The following CCND3 variants were observed in gnomAD, a reference collection of about 807,000 sequenced individuals.
CCND3 encodes G1/S-specific cyclin-D3.
CCND3 carries 9 observed loss-of-function variants against 28.7 expected under a neutral mutation model. The ratio of observed to expected loss-of-function variants is 0.31; its 90% CI spans 0.19 to 0.55. CCND3 has a LOEUF of 0.55. CCND3 is among the 20% of genes least tolerant of loss of function. CCND3 has a pLI of 0.93. For synonymous variants in CCND3, 164 were observed against 163.9 expected, an observed-to-expected ratio of 1.00 and a Z score of 0.00; for missense variants, 315 against 385.8, an observed-to-expected ratio of 0.82 and a Z score of 1.54.
intron 1 of CCND3, among the ~76,000 whole-genome samples, chr6:41,988,741 C>G (rs1431981250): frequency 4.3e-5 from 6 of 138,448 alleles, no homozygotes; most frequent in Admixed American, 1.6e-4. Flanking sequence ...CTCTGTCGCC[C>G]AGGCTGGAGT....
At chr6:41,993,670 A>G (rs1000986006) in intron 1 of CCND3, among the ~76,000 whole-genome samples, 5 of 151,464 alleles carry the variant, frequency 3.3e-5, no homozygotes, top group African/African-American at 1.2e-4. Flanking sequence ...TCGGCCTCCA[A>G]AAAAAAAGCT....
At chr6:42,030,716 C>A (rs1362698032) in intron 1 of CCND3, among the ~76,000 whole-genome samples, 1 of 152,170 alleles carries the variant, frequency 6.6e-6, no homozygotes, top group Non-Finnish European at 1.5e-5. Context: ...TGGCCCAGCC[C>A]GGCAGGTGGA....
intron 1 of CCND3, among the ~76,000 whole-genome samples, chr6:41,996,108 C>CATAT (rs141940663): frequency 4.0e-4 from 50 of 125,544 alleles, no homozygotes; most frequent in African/African-American, 4.4e-4. Context: ...AATCTGCTCT[C>CATAT]ATATATATAT....
intron 2 of CCND3, among the ~76,000 whole-genome samples, 166 bp from the exon 3 acceptor site, chr6:41,937,560 G>T (rs1194365723): frequency 6.6e-6 from 1 of 152,176 alleles, no homozygotes; most frequent in Admixed American, 6.5e-5. Flanking sequence ...TTCAAGGCAG[G>T]GAAGAGGAGG....
chr6:41,964,819 T>C (rs1452308558), intron 1 of CCND3, among the ~76,000 whole-genome samples: 2 of 150,530 alleles, frequency 1.3e-5, no homozygotes, highest in African/African-American at 4.9e-5. Context: ...TAGAGAGCAG[T>C]TAAGAGGTTC....
At chr6:42,040,827 G>T (rs970724315) in intron 1 of CCND3, among the ~76,000 whole-genome samples, 1 of 151,264 alleles carries the variant, frequency 6.6e-6, no homozygotes, top group Non-Finnish European at 1.5e-5. Context: ...CTCCAGCCTG[G>T]GTGACAGAGC....
At chr6:41,972,783 G>C (rs764444857) in intron 1 of CCND3, among the ~76,000 whole-genome samples, 2 of 151,942 alleles carry the variant, frequency 1.3e-5, no homozygotes, top group Non-Finnish European at 2.9e-5. Context: ...TTGGAAGGCT[G>C]AGATGGGAGG....
intron 1 of CCND3, among the ~76,000 whole-genome samples, chr6:42,026,838 G>A (rs1473490738): frequency 6.6e-6 from 1 of 152,184 alleles, no homozygotes; most frequent in Non-Finnish European, 1.5e-5. Context: ...GACGGACCCA[G>A]CAGCCATGGT....
chr6:41,968,351 T>A (rs1040758298), intron 1 of CCND3, among the ~76,000 whole-genome samples: 1 of 152,212 alleles, frequency 6.6e-6, no homozygotes, highest in Non-Finnish European at 1.5e-5. Context: ...AAGTTTATAA[T>A]CAATCATGCT....
At chr6:41,943,529 A>G (rs777916506), upstream of CCND3, among the ~76,000 whole-genome samples, 2 of 152,246 alleles carry the variant, frequency 1.3e-5, no homozygotes, top group African/African-American at 2.4e-5. Flanking sequence ...GGAAATTTAA[A>G]TTATTTCTAG....
intron 1 of CCND3, among the ~76,000 whole-genome samples, chr6:42,036,549 G>A (rs868041435): frequency 3.3e-4 from 50 of 149,822 alleles, no homozygotes; most frequent in Admixed American, 2.6e-3. Flanking sequence ...GTCTACAGGC[G>A]CACACCACCA....
chr6:42,004,358 T>C lies in CCND3; in HGVS notation c.-46+44143A>G, dbSNP rs141421537. Among the ~76,000 whole-genome samples the C allele has an allele frequency of 5.0e-3, 761 of 152,252 alleles. 24 individuals carry two copies. Among genetic ancestry groups the C allele is most frequent in the Admixed American group, 0.046 (699 of 15,262 alleles). On this transcript the variant is annotated intron_variant, in intron 1 of 4. Transcript: ENST00000372988. ...ATAAATTTGATACAGACAAATTAGA[T>C]GATATTATAGAAAAACATAATTTAC...
rs1562002036 is a variant in CCND3, at chr6:42,044,956, C to CTTTTTTTTTTT, written c.-46+3544_-46+3545insAAAAAAAAAAA. 8.5e-4 allele frequency among the ~76,000 whole-genome samples: 105 copies of CTTTTTTTTTTT among 123,904 alleles called. 1 individual carries two copies. The highest frequency in any genetic ancestry group is 3.0e-3 in the African/African-American group (95 of 32,172). 81.3% of individuals were successfully genotyped at this position (123,904 alleles called of 152,430 possible). On this transcript the variant is annotated intron_variant, in intron 1 of 4. Transcript: ENST00000372988. ...GGCCCGTGCGACCACGCCCGGCTAACGTTTTTTTTTTTTTTTTTTTTGTAT... is the reference window on the plus strand; with the variant it reads ...GGCCCGTGCGACCACGCCCGGCTAACTTTTTTTTTTTGTTTTTTTTTTTTTTTTTTTTGTAT...
In CCND3 at chr6:41,940,991, A is replaced by T. The variant is rs746382316; in HGVS notation, c.199-406T>A. On this transcript the variant is annotated intron_variant, in intron 1 of 4. Coordinates refer to ENST00000372991, the MANE Select transcript of CCND3 (RefSeq NM_001760.5). ...GGAGGCTCCTGCCGCTGCCTCCTGC[A>T]CTTTTCATTTCCCTGTCGGCCGGAA... 14 of 1,612,852 alleles carry T rather than the reference A, an allele frequency of 8.7e-6. No individual in the cohort carries two copies. In the South Asian group the frequency reaches 1.5e-4, roughly 18 times the overall value.
At chr6:41,954,369 G>A (rs989374660) in intron 1 of CCND3, among the ~76,000 whole-genome samples, 2 of 150,552 alleles carry the variant, frequency 1.3e-5, no homozygotes, top group African/African-American at 4.9e-5. Flanking sequence ...GGCCAACATG[G>A]TGAAACCCCA....
chr6:42,004,696 C>T (rs887658436), intron 1 of CCND3, among the ~76,000 whole-genome samples: 15 of 152,034 alleles, frequency 9.9e-5, no homozygotes, highest in Admixed American at 6.6e-4. Flanking sequence ...CACCACTGCA[C>T]TCCTTCTTGG....
At chr6:42,047,789 T>C (rs1764588911) in intron 1 of CCND3, among the ~76,000 whole-genome samples, 1 of 152,232 alleles carries the variant, frequency 6.6e-6, no homozygotes, top group South Asian at 2.1e-4. Flanking sequence ...CAAAGACTTC[T>C]ATGCTTTTCA....
At chr6:41,974,145 T>C (rs1762105489) in intron 1 of CCND3, among the ~76,000 whole-genome samples, 1 of 152,152 alleles carries the variant, frequency 6.6e-6, no homozygotes, top group African/African-American at 2.4e-5. Flanking sequence ...ACTGTGCCAT[T>C]GCACTCTAGC....
Position 42,048,695 on chromosome 6 carries a change from T to C in CCND3, c.-240A>G, listed in dbSNP as rs1371287870. 2 of 516,428 alleles carry C rather than the reference T, an allele frequency of 3.9e-6. No individual in the cohort carries two copies. Among genetic ancestry groups the C allele is most frequent in the African/African-American group, 3.9e-5 (2 of 51,854 alleles). 32.0% of individuals were successfully genotyped at this position (516,428 alleles called of 1,614,324 possible). A position where few individuals can be genotyped will look rare whatever the true frequency, so the allele number is the denominator to read the frequency against. The stretch of plus-strand genomic sequence containing the variant: ...CTGCAGTGGCGAAGTGTTTACAAAG[T>C]CCGCGCCGCGCCGCCGATCCAGAGC... On this transcript the variant is annotated 5_prime_UTR_variant, in exon 1 of 5. Transcript: ENST00000372988. This position sits in a 1 kb window ranked among gnomAD's most constrained non-coding sequence, Gnocchi z 4.7.
Sources: gnomAD v4.1 joint callset for allele counts (sites outside exome capture counted in the v4.1 genomes callset) on GRCh38, gnomAD v4.1.1 for gene constraint, Gnocchi (gnomAD v3.1) non-coding constraint, MANE v1.5 for transcripts, NCBI Gene and HGNC (gene_info 2026-07-23, HGNC 2026-07-21) for gene names.